ADGRL3: variants seen among roughly 807,000 people sequenced by gnomAD.
The protein encoded by ADGRL3 is adhesion G protein-coupled receptor L3, also known as calcium-independent alpha-latrotoxin receptor 3.
Under a neutral mutation model 153.5 loss-of-function variants are expected in ADGRL3, and 62 were observed. That is an observed-to-expected ratio of 0.40 (90% confidence interval 0.33 to 0.50). The LOEUF (loss-of-function observed/expected upper bound fraction) is 0.50, where lower values mean the gene tolerates loss of function less well. ADGRL3 is among the 20% of genes least tolerant of loss of function. The pLI, the probability that ADGRL3 is intolerant of heterozygous loss-of-function variation, is 0.47. For synonymous variants in ADGRL3, 710 were observed against 672.5 expected (o/e 1.06, Z -0.86); for missense variants, 1,641 against 1,859.4 (o/e 0.88, Z 2.16).
At chr4:61,821,005 T>C (rs2097749313) in intron 9 of ADGRL3, among the ~76,000 whole-genome samples, 1 of 152,136 alleles carries the variant, frequency 6.6e-6, no homozygotes, top group Non-Finnish European at 1.5e-5. Context: ...TTATTTGAGG[T>C]TTACATATAC....
At chr4:61,776,354 CTTTAT>C (rs753234874) in intron 8 of ADGRL3, among the ~76,000 whole-genome samples, 5 of 152,076 alleles carry the variant, frequency 3.3e-5, no homozygotes, top group Non-Finnish European at 5.9e-5. Flanking sequence ...GTTTTGAGTT[CTTTAT>C]TTTATTTTTT....
At chr4:61,671,808 C>G (rs2095012368) in intron 5 of ADGRL3, among the ~76,000 whole-genome samples, 1 of 152,076 alleles carries the variant, frequency 6.6e-6, no homozygotes, top group Non-Finnish European at 1.5e-5. Context: ...AAATGTATGA[C>G]TCATTCTCCC....
intron 8 of ADGRL3, among the ~76,000 whole-genome samples, chr4:61,799,372 C>T (rs1024075409): frequency 6.6e-6 from 1 of 151,972 alleles, no homozygotes; most frequent in Non-Finnish European, 1.5e-5. Context: ...CTATTGCTAC[C>T]AGTGTTGGAA....
intron 6 of ADGRL3, among the ~76,000 whole-genome samples, chr4:61,699,782 T>A (rs141015588): frequency 0.01 from 1,553 of 152,306 alleles, 28 homozygotes; most frequent in African/African-American, 0.034. Context: ...TAGGAATAGA[T>A]AATGTTAAAT....
At position 61,813,863 on chromosome 4, in the gene ADGRL3, C is replaced by G; in HGVS notation, c.1454C>G (p.Ser485Cys). ...SYISPPIHLD[S>C]ELERPSVKDI... ...ATTTCTCCGCCAATTCACCTTGACT[C>G]TGAGCTAGAAAGACCCTCTGTTAAA... Residue 485 changes from serine to cysteine, a missense_variant, in exon 9 of 27, where the codon TCT becomes TGT. Around this residue, in one of 5 missense-constraint regions of ADGRL3, gnomAD observed 734 missense variants for 797.0 expected, o/e 0.92. Coordinates refer to ENST00000683033, the MANE Select transcript of ADGRL3 (RefSeq NM_001387552.1). 1 of 1,580,800 alleles carries G rather than the reference C, an allele frequency of 6.3e-7. No homozygotes were observed. The highest frequency in any genetic ancestry group is 8.7e-7 in the Non-Finnish European group (1 of 1,149,882).
At chr4:62,038,770 A>C (rs1344454856) in intron 24 of ADGRL3, among the ~76,000 whole-genome samples, 1 of 151,964 alleles carries the variant, frequency 6.6e-6, no homozygotes, top group Non-Finnish European at 1.5e-5. Flanking sequence ...CACCACGCCC[A>C]GATAATTTTT....
intron 4 of ADGRL3, among the ~76,000 whole-genome samples, chr4:61,579,815 A>C (rs2149263873): frequency 6.6e-6 from 1 of 152,216 alleles, no homozygotes; most frequent in African/African-American, 2.4e-5. Context: ...CATTTCAATT[A>C]TATGTATTCT....
rs976663123 is a variant in ADGRL3 at position 61,685,686 on chromosome 4, T to G, written c.583+8751T>G. On this transcript the variant is annotated intron_variant, in intron 6 of 26. Coordinates refer to ENST00000683033, the MANE Select transcript of ADGRL3 (RefSeq NM_001387552.1). ...GTCCAGTTAGATGAGGTAGATAGAT[T>G]TAGAGAGCTACTAACCAGCAATTAG... is the stretch of plus-strand genomic sequence containing the variant. 1.5e-4 allele frequency among the ~76,000 whole-genome samples: 23 copies of G among 152,004 alleles called. 1 individual carries two copies. The highest frequency in any genetic ancestry group is 7.2e-4 in the Admixed American group (11 of 15,230).
chr4:61,668,440 T>C (rs1301967813), intron 5 of ADGRL3, among the ~76,000 whole-genome samples: 1 of 152,212 alleles, frequency 6.6e-6, no homozygotes, highest in Non-Finnish European at 1.5e-5. Context: ...TTAGTGGTAG[T>C]TTGATATAGA....
intron 8 of ADGRL3, among the ~76,000 whole-genome samples, chr4:61,794,372 G>A (rs2097381327): frequency 6.6e-6 from 1 of 152,128 alleles, no homozygotes; most frequent in African/African-American, 2.4e-5. Context: ...CACTGTAGTA[G>A]CTTATGCTTT....
chr4:61,582,127 G>A (rs962267396), intron 4 of ADGRL3, among the ~76,000 whole-genome samples: 7 of 151,974 alleles, frequency 4.6e-5, no homozygotes, highest in Admixed American at 6.6e-5. Context: ...GCAGTCTGAA[G>A]ATTTTCATCT....
chr4:61,205,301 G>T (rs1290378127), intron 1 of ADGRL3, among the ~76,000 whole-genome samples: 1 of 152,288 alleles, frequency 6.6e-6, no homozygotes, highest in African/African-American at 2.4e-5. Flanking sequence ...GGGAGTTTTG[G>T]CCCAGAAATC....
intron 4 of ADGRL3, among the ~76,000 whole-genome samples, chr4:61,551,790 A>G (rs2098741616): frequency 6.6e-6 from 1 of 152,182 alleles, no homozygotes; most frequent in Non-Finnish European, 1.5e-5. Context: ...CAGGACATAT[A>G]TTTTTAAAAC....
chr4:61,317,252 G>A (rs1051444987), intron 1 of ADGRL3, among the ~76,000 whole-genome samples: 3 of 152,300 alleles, frequency 2.0e-5, no homozygotes, highest in Admixed American at 1.3e-4. Context: ...AAATCTGGGA[G>A]TGTATCTGGC....
intron 1 of ADGRL3, among the ~76,000 whole-genome samples, chr4:61,360,593 A>G (rs1270714320): frequency 2.0e-5 from 3 of 152,226 alleles, no homozygotes; most frequent in Non-Finnish European, 4.4e-5. Context: ...AAAATAAAAT[A>G]AAACTTCTTT....
intron 2 of ADGRL3, among the ~76,000 whole-genome samples, chr4:61,488,287 T>C (rs2098219510): frequency 6.6e-6 from 1 of 152,074 alleles, no homozygotes; most frequent in African/African-American, 2.4e-5. Flanking sequence ...TCAAGTTATG[T>C]ATTTAAAATA....
At chr4:61,894,735 T>C (rs1160637790) in intron 10 of ADGRL3, among the ~76,000 whole-genome samples, 2 of 152,190 alleles carry the variant, frequency 1.3e-5, no homozygotes, top group African/African-American at 4.8e-5. Context: ...TGCCTTTGTC[T>C]AGGCCCCCAC....
chr4:61,455,273 A>G (rs1225372420), intron 2 of ADGRL3, among the ~76,000 whole-genome samples: 1 of 152,196 alleles, frequency 6.6e-6, no homozygotes, highest in East Asian at 1.9e-4. Context: ...ATAGCATCGA[A>G]GCAGTATGAC....
intron 25 of ADGRL3, among the ~76,000 whole-genome samples, chr4:62,063,137 T>C (rs1453951761): frequency 6.6e-6 from 1 of 152,112 alleles, no homozygotes; most frequent in East Asian, 1.9e-4. Context: ...TAAACTTTTT[T>C]TTGGCTTTTG....
Sources: gnomAD v4.1 joint callset for allele counts (sites outside exome capture counted in the v4.1 genomes callset) on GRCh38, gnomAD v4.1.1 for gene constraint, gnomAD v4.1.1 regional missense constraint, MANE v1.5 for transcripts, NCBI Gene and HGNC (gene_info 2026-07-23, HGNC 2026-07-21) for gene names.